The following C13orf42 variants were observed in gnomAD, a reference collection of about 807,000 sequenced individuals.
C13orf42 encodes uncharacterized protein C13orf42.
chr13:51,147,532 C>T (rs1011752210), intron 1 of C13orf42, among the ~76,000 whole-genome samples: 2 of 152,142 alleles, frequency 1.3e-5, no homozygotes, highest in African/African-American at 4.8e-5. Flanking sequence ...GAGTTCGAGA[C>T]GAGCCTGGCC....
At chr13:51,141,095 G>GGTGTGTGTGTGTGTGTGTGTGTGTGTGT (rs3043870) in intron 1 of C13orf42, among the ~76,000 whole-genome samples, 4 of 128,544 alleles carry the variant, frequency 3.1e-5, no homozygotes, top group African/African-American at 8.9e-5. Context: ...ATCGAAGGGA[G>GGTGTGTGTGTGTGTGTGTGTGTGTGTGT]GTGTGTGTGT....
intron 1 of C13orf42, among the ~76,000 whole-genome samples, chr13:51,135,378 C>T (rs1953649959): frequency 1.3e-5 from 2 of 152,170 alleles, no homozygotes; most frequent in South Asian, 2.1e-4. Context: ...CAGTGGTTCA[C>T]GCCTATAATC....
chr13:51,134,690 C>T (rs1953643983), intron 1 of C13orf42, among the ~76,000 whole-genome samples: 1 of 152,216 alleles, frequency 6.6e-6, no homozygotes, highest in Non-Finnish European at 1.5e-5. Context: ...TGAGCACATT[C>T]TCTACCCCAG....
chr13:51,137,711 T>C (rs777107830), intron 1 of C13orf42, among the ~76,000 whole-genome samples: 2 of 152,218 alleles, frequency 1.3e-5, no homozygotes, highest in Non-Finnish European at 2.9e-5. Flanking sequence ...CACTTTTATC[T>C]GATTACAAAA....
intron 1 of C13orf42, among the ~76,000 whole-genome samples, chr13:51,144,114 T>TTA (rs1285986226): frequency 1.3e-5 from 2 of 152,140 alleles, no homozygotes; most frequent in Admixed American, 6.5e-5. Flanking sequence ...TAGAAGGTGA[T>TTA]TTTATAATCA....
chr13:51,146,615 G>A lies in C13orf42; in HGVS notation n.136+25638C>T, dbSNP rs376213085. On this transcript the variant is annotated intron_variant and non_coding_transcript_variant, in intron 1 of 4. Transcript: ENST00000433280. ...AGCATTGGTTTGATCTGGAAAGGCAGAACAACTTGAAGCAAAGGACTCACA... is the reference window on the plus strand; with the variant it reads ...AGCATTGGTTTGATCTGGAAAGGCAAAACAACTTGAAGCAAAGGACTCACA... Among the ~76,000 whole-genome samples, 7 of 152,216 alleles carry A rather than the reference G, an allele frequency of 4.6e-5. No individual in the cohort carries two copies. In the East Asian group the frequency reaches 7.7e-4, roughly 17 times the overall value.
intron 1 of C13orf42, among the ~76,000 whole-genome samples, chr13:51,141,513 TA>T (rs1566137445): frequency 1.3e-5 from 2 of 151,902 alleles, no homozygotes; most frequent in African/African-American, 4.8e-5. Flanking sequence ...TAAAGAAAAA[TA>T]AAAGGCTAGG....
At chr13:51,170,051 C>G (rs534796633) in intron 1 of C13orf42, among the ~76,000 whole-genome samples, 18 of 152,296 alleles carry the variant, frequency 1.2e-4, no homozygotes, top group African/African-American at 4.3e-4. Context: ...ATGACACTAC[C>G]TTGTGAAAGT....
chr13:51,149,138 C>T (rs779068703), intron 1 of C13orf42, among the ~76,000 whole-genome samples: 7 of 152,070 alleles, frequency 4.6e-5, no homozygotes, highest in Non-Finnish European at 1.5e-5. Flanking sequence ...TTCAGTCCGT[C>T]ACTGCGGTGG....
At chr13:51,088,847 C>T (rs1018311674) in intron 1 of C13orf42, among the ~76,000 whole-genome samples, 2 of 152,146 alleles carry the variant, frequency 1.3e-5, no homozygotes, top group African/African-American at 2.4e-5. Flanking sequence ...CAGTAGCTTA[C>T]GAGGTTCCGG....
At chr13:51,101,092 GTT>G (rs1461188603) in intron 1 of C13orf42, among the ~76,000 whole-genome samples, 1 of 152,170 alleles carries the variant, frequency 6.6e-6, no homozygotes, top group Non-Finnish European at 1.5e-5. Flanking sequence ...AAGCATGGCA[GTT>G]GAAGACTAAT....
intron 1 of C13orf42, among the ~76,000 whole-genome samples, chr13:51,099,380 A>G (rs1953264409): frequency 6.6e-6 from 1 of 152,248 alleles, no homozygotes; most frequent in African/African-American, 2.4e-5. Context: ...GATGAGCTAA[A>G]TAGTCAACTT....
chr13:51,132,938 G>A (rs755503152), intron 1 of C13orf42, among the ~76,000 whole-genome samples: 88 of 152,104 alleles, frequency 5.8e-4, no homozygotes, highest in Non-Finnish European at 1.1e-3. Flanking sequence ...ACCACTGGTC[G>A]TCCTCACTGC....
At chr13:51,129,190 C>T (rs1953597066) in intron 1 of C13orf42, among the ~76,000 whole-genome samples, 1 of 152,218 alleles carries the variant, frequency 6.6e-6, no homozygotes, top group Non-Finnish European at 1.5e-5. Context: ...TGACAAACCT[C>T]TCTTGCTGTG....
chr13:51,143,438 CATT>C (rs1953711520), intron 1 of C13orf42, among the ~76,000 whole-genome samples: 1 of 144,042 alleles, frequency 6.9e-6, no homozygotes, highest in African/African-American at 2.6e-5. Flanking sequence ...TTTCTTAAAG[CATT>C]AACCAACTCC....
intron 1 of C13orf42, among the ~76,000 whole-genome samples, chr13:51,148,638 T>C (rs1305655356): frequency 6.6e-6 from 1 of 152,172 alleles, no homozygotes; most frequent in Non-Finnish European, 1.5e-5. Flanking sequence ...AGTCATCCTT[T>C]CCCTCCACCA....
At chr13:51,159,233 G>A (rs926309846) in intron 1 of C13orf42, among the ~76,000 whole-genome samples, 1 of 152,178 alleles carries the variant, frequency 6.6e-6, no homozygotes, top group Non-Finnish European at 1.5e-5. Flanking sequence ...TCTCAGGGCT[G>A]ATGATTTACA....
chr13:51,135,743 C>T (rs9596465), intron 1 of C13orf42, among the ~76,000 whole-genome samples: 11,527 of 152,168 alleles, frequency 0.076, 615 homozygotes, highest in African/African-American at 0.16. Flanking sequence ...ATTCCTCCCC[C>T]ACCCTGGCTT....
intron 1 of C13orf42, among the ~76,000 whole-genome samples, chr13:51,092,839 G>C (rs573137305): frequency 3.9e-5 from 6 of 152,090 alleles, no homozygotes; most frequent in Non-Finnish European, 7.4e-5. Flanking sequence ...AAAAACTATA[G>C]AAAATAGAAC....
Sources: gnomAD v4.1 joint callset for allele counts (sites outside exome capture counted in the v4.1 genomes callset) on GRCh38, gnomAD v4.1.1 for gene constraint, MANE v1.5 for transcripts, NCBI Gene and HGNC (gene_info 2026-07-23, HGNC 2026-07-21) for gene names.